Variants in MPP1 observed in about 807,000 individuals in gnomAD.
The protein encoded by MPP1 is MAGUK p55 scaffold protein 1, also known as 55 kDa erythrocyte membrane protein.
A neutral mutation model predicts 38.2 loss-of-function variants in MPP1; 6 were observed. That is an observed-to-expected ratio of 0.16 (90% CI 0.09 to 0.31). The LOEUF is 0.31. MPP1 is among the 10% of genes least tolerant of loss of function. The probability of loss-of-function intolerance (pLI) is 1.00; values close to 1 mark genes in which losing one functional copy is unlikely to be tolerated. For synonymous variants in MPP1, 153 were observed against 146.3 expected (o/e 1.05, Z -0.33); for missense variants, 293 against 368.9 (o/e 0.79, Z 1.69).
rs1056938759 is a variant in MPP1, at chrX:154,790,867, G to A, written c.411+116C>T. On this transcript the variant is annotated intron_variant, in intron 4 of 11. Coordinates refer to ENST00000369534, the MANE Select transcript of MPP1 (RefSeq NM_002436.4). ...ACAGATTAAAGACTAGCAGTGAAAA[G>A]AGCCCCCTCAAGAAGGTACAAATAC... The A allele has an allele frequency of 5.1e-6, 3 of 585,397 alleles. No homozygotes were observed. The African/African-American group carries it at 6.9e-5, about 13-fold the overall frequency. The allele number at this position is 585,397 out of a possible 1,213,427, so 48.2% of individuals were successfully genotyped here.
At chrX:154,800,762 T>C (rs1325619026) in intron 1 of MPP1, among the ~76,000 whole-genome samples, 1 of 112,294 alleles carries the variant, frequency 8.9e-6, no homozygotes, top group Non-Finnish European at 1.9e-5. Flanking sequence ...TTGGAGTTTG[T>C]GCAGGTACAT....
In MPP1 at chrX:154,784,071, G is replaced by A. The variant is rs144845406; in HGVS notation, c.822C>T (p.Val274=). 458 of 1,207,755 alleles carry A rather than the reference G, an allele frequency of 3.8e-4. No homozygotes were observed. Among genetic ancestry groups the A allele is most frequent in the Non-Finnish European group, 4.9e-4 (438 of 894,318 alleles). The stretch of plus-strand genomic sequence containing the variant: ...TCCTCTTGAATGCAGGGAGCCGAAC[G>A]ACTTCCTCGTAGGAAACAACATCCA... ...DQLDVVSYEE[V]VRLPAFKRKT... is the part of the protein sequence containing the mutation. The change falls in exon 8 of 12, where the codon GTC becomes GTT. Residue 274 remains valine (V), a synonymous_variant. Coordinates refer to ENST00000369534, the MANE Select transcript of MPP1 (RefSeq NM_002436.4).
chrX:154,798,792 T>C (rs886506647), intron 1 of MPP1, among the ~76,000 whole-genome samples: 2 of 111,608 alleles, frequency 1.8e-5, no homozygotes, highest in African/African-American at 3.3e-5. Context: ...TGGAGTGCAA[T>C]GGCACGATCT....
At position 154,779,331 on chromosome X, in the gene MPP1, T is replaced by C. The variant is rs1229701051; in HGVS notation, c.1247A>G (p.Gln416Arg). The part of the protein sequence containing the change: ...GTQTEALQQL[Q>R]KDSEAIRSQY... ...GCTGCGGATGGCCTCAGAGTCCTTC[T>C]GCAGCTGCTGCAGGGCTTCTGTCTG... Residue 416 changes from glutamine (Q) to arginine (R), a missense_variant, in exon 12 of 12, where the codon CAG becomes CGG. Transcript: ENST00000369534. 2.5e-6 allele frequency: 3 copies of C among 1,208,709 alleles called. No homozygotes were observed. The highest frequency in any genetic ancestry group is 2.2e-5 in the Admixed American group (1 of 45,520).
intron 7 of MPP1, 96 bp from the exon 8 acceptor site, chrX:154,784,204 C>T (rs1199750460): frequency 4.5e-6 from 3 of 668,837 alleles, no homozygotes; most frequent in Non-Finnish European, 7.1e-6. Flanking sequence ...GACATCTCAA[C>T]AAGCAGGGAG....
At chrX:154,787,101 AACACACACACACACACACACACAC>A (rs59779466) in intron 5 of MPP1, among the ~76,000 whole-genome samples, 884 of 82,878 alleles carry the variant, frequency 0.011, 8 homozygotes, top group African/African-American at 0.042. Context: ...CCTGCTCCCA[AACACACACACACACACACACACAC>A]ACACACACAC....
At chrX:154,798,739 A>G (rs934449923) in intron 1 of MPP1, among the ~76,000 whole-genome samples, 1 of 110,558 alleles carries the variant, frequency 9.0e-6, no homozygotes, top group African/African-American at 3.3e-5. Context: ...TATTTTATTT[A>G]TTTTATTTTT....
chrX:154,793,688 C>T (rs1557267950), intron 1 of MPP1, among the ~76,000 whole-genome samples: 1 of 111,911 alleles, frequency 8.9e-6, no homozygotes, highest in African/African-American at 3.2e-5. Context: ...AATTTTTGAA[C>T]CATTTGAGAG....
At chrX:154,795,568 C>A (rs1336994442) in intron 1 of MPP1, among the ~76,000 whole-genome samples, 2 of 110,877 alleles carry the variant, frequency 1.8e-5, no homozygotes, top group Non-Finnish European at 3.8e-5. Context: ...GGTTCGAGAC[C>A]AGCCTAGGCA....
chrX:154,781,630 G>C lies in MPP1; in HGVS notation c.1119C>G (p.Asn373Lys). Residue 373 changes from asparagine to lysine, a missense_variant, in exon 10 of 12, where the codon AAC (asparagine) becomes AAG (lysine). By Grantham distance (94) the Asn-to-Lys change is moderately conservative. Transcript: ENST00000369534. The stretch of plus-strand genomic sequence containing the variant: ...GCTCAATGTCAAGGATGGCAATCTT[G>C]TTCTGCTTATGGATCTGGTGCACTG... ...FETVHQIHKQNKIAILDIEPQ... is the reference protein window; with the variant it reads ...FETVHQIHKQKKIAILDIEPQ... The C allele has an allele frequency of 8.3e-7, 1 of 1,211,204 alleles. No homozygotes were observed.
At chrX:154,782,121 G>T in intron 9 of MPP1, 1 of 224,362 alleles carries the variant, frequency 4.5e-6, no homozygotes, top group Non-Finnish European at 8.0e-6. Flanking sequence ...TGAAGATAGC[G>T]GAAAATATTT....
At position 154,779,245 on chromosome X, in the gene MPP1, T is replaced by C; in HGVS notation, c.1333A>G (p.Lys445Glu). The C allele has an allele frequency of 8.3e-7, 1 of 1,211,679 alleles. No individual in the cohort carries two copies. The highest frequency in any genetic ancestry group is 1.1e-6 in the Non-Finnish European group (1 of 895,464). The change falls in exon 12 of 12, where the codon AAA becomes GAA. Residue 445 changes from lysine (K) to glutamate (E), a missense_variant. Physicochemically the swap from Lys to Glu is moderately conservative, Grantham distance 56. Transcript: ENST00000369534. Reference sequence around the variant, plus strand: ...GCTTGGTCGAAGGCTTCTTGTAATTTCTTAAGGGTTTCATCAACACCATTA... The same window carrying C: ...GCTTGGTCGAAGGCTTCTTGTAATTCCTTAAGGGTTTCATCAACACCATTA... ...VNNGVDETLK[K>E]LQEAFDQACS...
chrX:154,785,771 G>A (rs894553321), intron 6 of MPP1, among the ~76,000 whole-genome samples: 5 of 111,702 alleles, frequency 4.5e-5, no homozygotes, highest in South Asian at 3.7e-4. Flanking sequence ...AATCTGACTC[G>A]GGGACAGGAA....
At chrX:154,781,390 C>T in intron 10 of MPP1, 77 bp from the exon 11 acceptor site, 1 of 869,002 alleles carries the variant, frequency 1.2e-6, no homozygotes, top group Non-Finnish European at 1.7e-6. Flanking sequence ...ACCTACATAG[C>T]TGTCATAATG....
At chrX:154,790,098 T>A in intron 4 of MPP1, 76 bp from the exon 5 acceptor site, 1 of 660,291 alleles carries the variant, frequency 1.5e-6, no homozygotes, top group Non-Finnish European at 2.3e-6. Context: ...AAGTCCCAGG[T>A]TTTTTTCCCC....
chrX:154,797,912 T>G (rs782055197), intron 1 of MPP1, among the ~76,000 whole-genome samples: 1 of 112,095 alleles, frequency 8.9e-6, no homozygotes. Context: ...GAGTGCTCAA[T>G]ACTCAACAGT....
intron 5 of MPP1, 78 bp from the exon 6 acceptor site, chrX:154,786,478 A>T: frequency 1.1e-6 from 1 of 941,899 alleles, no homozygotes; most frequent in Non-Finnish European, 1.5e-6. Context: ...TGCTGTAGAC[A>T]AATGGGGTCA....
intron 1 of MPP1, 153 bp from the exon 2 acceptor site, chrX:154,792,438 A>C: frequency 4.6e-6 from 3 of 654,444 alleles, no homozygotes; most frequent in Non-Finnish European, 6.6e-6. Context: ...GCTGTTTGTA[A>C]GCTTTATTTC....
At chrX:154,789,837 C>T (rs1557267544) in intron 5 of MPP1, 117 bp downstream of exon 5, 6 of 487,113 alleles carry the variant, frequency 1.2e-5, no homozygotes, top group Middle Eastern at 3.5e-4. Flanking sequence ...TACACACTTG[C>T]GAGATACTTA....
Sources: allele counts gnomAD v4.1 joint callset (sites outside exome capture counted in the v4.1 genomes callset), GRCh38; gene constraint gnomAD v4.1.1; transcripts MANE v1.5; gene names NCBI Gene and HGNC (gene_info 2026-07-23, HGNC 2026-07-21).